Variants in COL5A2 observed in about 807,000 individuals in gnomAD.
COL5A2 encodes collagen type V alpha 2 chain, also known as collagen alpha-2(V) chain.
A neutral mutation model predicts 208.2 loss-of-function variants in COL5A2; 23 were observed. The observed-to-expected ratio is 0.11, with a 90% CI of 0.08 to 0.16. The LOEUF (loss-of-function observed/expected upper bound fraction) is 0.16, where lower values mean the gene tolerates loss of function less well. COL5A2 is among the 10% of genes least tolerant of loss of function. The probability of loss-of-function intolerance (pLI) is 1.00; values close to 1 mark genes in which losing one functional copy is unlikely to be tolerated. For synonymous variants in COL5A2, 625 were observed against 628.5 expected (o/e 0.99, Z 0.08); for missense variants, 1,590 against 1,956.4 (o/e 0.81, Z 3.53).
At chr2:189,190,709 T>C (rs1386927635) in intron 1 of COL5A2, among the ~76,000 whole-genome samples, 1 of 152,218 alleles carries the variant, frequency 6.6e-6, no homozygotes, top group African/African-American at 2.4e-5. Context: ...GTTACTGTGC[T>C]CCTAATGCAT....
intron 16 of COL5A2, among the ~76,000 whole-genome samples, chr2:189,077,580 T>C (rs922715660): frequency 5.9e-4 from 90 of 152,334 alleles, no homozygotes; most frequent in Middle Eastern, 6.8e-3. Flanking sequence ...GTAAGCATAC[T>C]ATATTGATAG....
At position 189,159,120 on chromosome 2, in the gene COL5A2, G is replaced by T. The variant is rs969185546; in HGVS notation, c.97+20388C>A. Among the ~76,000 whole-genome samples the T allele has an allele frequency of 5.3e-5, 8 of 152,172 alleles. No individual in the cohort carries two copies. The South Asian group carries it at 6.2e-4, about 12-fold the overall frequency. ...CACCCTCAAAGAAACCTGAACAAAGGTATTGATCATCTATGTCACTACATC... is the reference window on the plus strand; with the variant it reads ...CACCCTCAAAGAAACCTGAACAAAGTTATTGATCATCTATGTCACTACATC... On this transcript the variant is annotated intron_variant, in intron 1 of 53. Coordinates refer to ENST00000374866, the MANE Select transcript of COL5A2 (RefSeq NM_000393.5).
intron 30 of COL5A2, 21 bp from the exon 31 acceptor site, chr2:189,060,804 TA>T: frequency 6.2e-7 from 1 of 1,606,266 alleles, no homozygotes; most frequent in Non-Finnish European, 8.5e-7. Context: ...AGTAAGAAAA[TA>T]AAATTGTGAA....
At chr2:189,193,219 G>C (rs1688952727) in intron 1 of COL5A2, among the ~76,000 whole-genome samples, 1 of 152,160 alleles carries the variant, frequency 6.6e-6, no homozygotes, top group Non-Finnish European at 1.5e-5. Flanking sequence ...ATGTTGCTTG[G>C]TTTGACTTGG....
chr2:189,045,856 G>A lies in COL5A2; in HGVS notation c.3253C>T (p.Pro1085Ser). The A allele has an allele frequency of 1.2e-6, 2 of 1,614,118 alleles. No individual in the cohort carries two copies. The highest frequency in any genetic ancestry group is 1.7e-6 in the Non-Finnish European group (2 of 1,180,002). ...GCACCCACAGGGCCAGGAGTTCCAG[G>A]GGCACCCTGAGAGCCTGGCAGACCT... ...PAGLPGSQGA[P>S]GTPGPVGAPG... is the part of the protein sequence containing the mutation. The change falls in exon 46 of 54, where the codon CCT becomes TCT. Residue 1085 changes from proline (P) to serine (S), a missense_variant. Coordinates refer to ENST00000374866, the MANE Select transcript of COL5A2 (RefSeq NM_000393.5).
At chr2:189,081,127 TAGCTA>T in intron 12 of COL5A2, 84 bp from the exon 13 acceptor site, 1 of 1,069,512 alleles carries the variant, frequency 9.4e-7, no homozygotes, top group Non-Finnish European at 1.5e-6. Flanking sequence ...TCCCAAAAAA[TAGCTA>T]GTACACAGTT....
chr2:189,039,066 C>A (rs1438054770), intron 51 of COL5A2, among the ~76,000 whole-genome samples: 2 of 152,104 alleles, frequency 1.3e-5, no homozygotes, highest in East Asian at 3.9e-4. Flanking sequence ...TTTCATTTCT[C>A]TAATAATTAG....
chr2:189,078,354 T>A (rs186627864), intron 16 of COL5A2, among the ~76,000 whole-genome samples, 162 bp downstream of exon 16: 138 of 151,152 alleles, frequency 9.1e-4, no homozygotes, highest in Middle Eastern at 3.4e-3. Context: ...GTACTTTCTT[T>A]TCAACTTTTC....
the COL5A2 span, among the ~76,000 whole-genome samples, chr2:189,278,670 T>C: frequency 6.6e-6 from 1 of 152,012 alleles, no homozygotes; most frequent in Non-Finnish European, 1.5e-5. Context: ...ATGTAATTAC[T>C]TCTTGAAATA....
the COL5A2 span, among the ~76,000 whole-genome samples, chr2:189,430,749 G>T: frequency 6.6e-6 from 1 of 152,238 alleles, no homozygotes; most frequent in East Asian, 1.9e-4. Flanking sequence ...CTCCACTTCT[G>T]TGGGCAGGGC....
Position 189,033,946 on chromosome 2 carries a change from C to A in COL5A2, c.*124G>T. 1 of 1,265,586 alleles carries A rather than the reference C, an allele frequency of 7.9e-7. No homozygotes were observed. Among genetic ancestry groups the A allele is most frequent in the Non-Finnish European group, 1.1e-6 (1 of 873,276 alleles). The allele number at this position is 1,265,586 out of a possible 1,614,324, so 78.4% of individuals were successfully genotyped here. A position where few individuals can be genotyped will look rare whatever the true frequency, so the allele number is the denominator to read the frequency against. On this transcript the variant is annotated 3_prime_UTR_variant, in exon 54 of 54. Coordinates refer to ENST00000374866, the MANE Select transcript of COL5A2 (RefSeq NM_000393.5). ...GGCCAGGCACTTAAGACCATATATA[C>A]AATGCTGATGCAGGATCAGCCATTA...
At chr2:189,319,234 G>A in the COL5A2 span, among the ~76,000 whole-genome samples, 361 of 152,224 alleles carry the variant, frequency 2.4e-3, 2 homozygotes, top group African/African-American at 7.9e-3. Flanking sequence ...AGCTCCCAGC[G>A]TGAGCGGCGC....
chr2:189,138,206 C>T (rs1005593334), intron 1 of COL5A2, among the ~76,000 whole-genome samples: 2 of 152,118 alleles, frequency 1.3e-5, no homozygotes, highest in South Asian at 2.1e-4. Context: ...GAACTCCTGA[C>T]CTTGTGATCC....
the COL5A2 span, among the ~76,000 whole-genome samples, chr2:189,241,503 G>A: frequency 6.6e-6 from 1 of 152,010 alleles, no homozygotes; most frequent in South Asian, 2.1e-4. Flanking sequence ...TTATGCCTGG[G>A]CAACGTATTG....
chr2:189,053,010 G>A lies in COL5A2; in HGVS notation c.2562C>T (p.Asp854=), dbSNP rs148430780. Residue 854 remains aspartate, a synonymous_variant, in exon 39 of 54, where the codon GAC becomes GAT. Coordinates refer to ENST00000374866, the MANE Select transcript of COL5A2 (RefSeq NM_000393.5). The part of the protein sequence containing the change: ...AVGFAGPQGP[D]GQPGVKGEPG... ...GTTCACCTTTTACTCCAGGCTGTCC[G>A]TCAGGACCCTATAAAAAATTATACA... is the stretch of plus-strand genomic sequence containing the variant. The A allele has an allele frequency of 2.3e-3, 3,738 of 1,612,754 alleles. 8 individuals carry two copies. The highest frequency in any genetic ancestry group is 3.3e-3 in the Middle Eastern group (20 of 6,058).
At chr2:189,415,954 C>A in the COL5A2 span, among the ~76,000 whole-genome samples, 37 of 152,364 alleles carry the variant, frequency 2.4e-4, no homozygotes, top group South Asian at 6.2e-3. Flanking sequence ...GCCACTGCAC[C>A]TGGCCAATGG....
At chr2:189,300,048 A>T in the COL5A2 span, among the ~76,000 whole-genome samples, 91 of 152,300 alleles carry the variant, frequency 6.0e-4, 2 homozygotes, top group Middle Eastern at 3.4e-3. Flanking sequence ...ATTCCATAGT[A>T]TGCATCAATC....
At chr2:189,339,065 T>G in the COL5A2 span, among the ~76,000 whole-genome samples, 1 of 152,196 alleles carries the variant, frequency 6.6e-6, no homozygotes, top group Non-Finnish European at 1.5e-5. Context: ...TTTTAGATTT[T>G]TTCAGGCGGG....
the COL5A2 span, among the ~76,000 whole-genome samples, chr2:189,347,436 A>C: frequency 6.6e-6 from 1 of 152,152 alleles, no homozygotes; most frequent in Admixed American, 6.6e-5. Context: ...GAAAAATGAC[A>C]CTAATGTTAA....
Sources: gnomAD v4.1 joint callset for allele counts (sites outside exome capture counted in the v4.1 genomes callset) on GRCh38, gnomAD v4.1.1 for gene constraint, MANE v1.5 for transcripts, NCBI Gene and HGNC (gene_info 2026-07-23, HGNC 2026-07-21) for gene names.